SNX29: variants seen among roughly 807,000 people sequenced by gnomAD.
SNX29 encodes sorting nexin-29.
Under a neutral mutation model 102.1 loss-of-function variants are expected in SNX29, and 78 were observed. The ratio of observed to expected loss-of-function variants is 0.76; its 90% CI spans 0.64 to 0.92. The LOEUF is 0.92. Among genes scored for constraint, SNX29 ranks in the 40% least tolerant of loss-of-function variants. The pLI is 0.00. For synonymous variants in SNX29, 580 were observed against 414.5 expected (o/e 1.40, Z -4.85); for missense variants, 1,280 against 1,061.7 (o/e 1.21, Z -2.86).
intron 1 of SNX29, chr16:11,983,510 G>A (rs2055475421): frequency 4.4e-6 from 1 of 228,032 alleles, no homozygotes; most frequent in East Asian, 1.8e-4. Flanking sequence ...GAATATTTGT[G>A]GTTTTCATTC....
intron 15 of SNX29, among the ~76,000 whole-genome samples, chr16:12,324,878 T>C (rs1332591429): frequency 2.0e-5 from 3 of 152,062 alleles, no homozygotes; most frequent in Non-Finnish European, 2.9e-5. Context: ...CACTAGGTAA[T>C]GAAAGATACC....
intron 15 of SNX29, among the ~76,000 whole-genome samples, chr16:12,294,048 G>A (rs1001456866): frequency 2.6e-5 from 4 of 152,316 alleles, no homozygotes; most frequent in African/African-American, 9.6e-5. Context: ...GCCACTCTCC[G>A]GGGAGGAGAA....
chr16:12,046,819 ATGT>A (rs1341919925), intron 6 of SNX29, among the ~76,000 whole-genome samples: 4 of 152,116 alleles, frequency 2.6e-5, no homozygotes, highest in Admixed American at 2.6e-4. Flanking sequence ...GAGTTTCACT[ATGT>A]TGGTCAGGCC....
Position 12,403,476 on chromosome 16 carries a change from A to C in SNX29, c.1984A>C (p.Ile662Leu). 6.2e-7 allele frequency: 1 copy of C among 1,609,144 alleles called. No individual in the cohort carries two copies. Among genetic ancestry groups the C allele is most frequent in the Non-Finnish European group, 8.5e-7 (1 of 1,177,812 alleles). The change falls in exon 18 of 21, where the codon ATC becomes CTC. Residue 662 changes from isoleucine (I) to leucine (L), a missense_variant. Ile to Leu is a conservative substitution (Grantham distance 5). Coordinates refer to ENST00000566228, the MANE Select transcript of SNX29 (RefSeq NM_032167.5). ...AAACCGGGCGCTGATCAACGTCTGG[A>C]TCCCCTCAGTGTTTCTCCGGGGCAA... The part of the protein sequence containing the change: ...ISNRALINVW[I>L]PSVFLRGKAA...
chr16:12,508,731 C>T (rs2089483002), intron 19 of SNX29, among the ~76,000 whole-genome samples: 1 of 152,106 alleles, frequency 6.6e-6, no homozygotes, highest in Admixed American at 6.5e-5. Flanking sequence ...CTCCAGGTTT[C>T]TTTTATCTCC....
At position 12,044,530 on chromosome 16, in the gene SNX29, A is replaced by T. The variant is rs139812236; in HGVS notation, c.428+1453A>T. 5.3e-3 allele frequency among the ~76,000 whole-genome samples: 808 copies of T among 152,158 alleles called. 1 individual carries two copies. Among genetic ancestry groups the T allele is most frequent in the South Asian group, 8.3e-3 (40 of 4,814 alleles). On this transcript the variant is annotated intron_variant, in intron 5 of 20. Transcript: ENST00000566228. ...GAGTTCGGAGGCTGAGAATGTCTGG[A>T]TCTCTAGGGCATTAACCAGCTTTAG...
intron 11 of SNX29, among the ~76,000 whole-genome samples, chr16:12,105,718 C>G (rs2053207091): frequency 6.6e-6 from 1 of 152,186 alleles, no homozygotes; most frequent in Non-Finnish European, 1.5e-5. Flanking sequence ...CCTAGCCCTT[C>G]TCTCCTCCTG....
At chr16:12,071,984 G>A (rs76868171) in intron 10 of SNX29, among the ~76,000 whole-genome samples, 36,685 of 151,822 alleles carry the variant, frequency 0.24, 4,798 homozygotes, top group African/African-American at 0.36. Context: ...TGATTGTTGT[G>A]TAAGAATGCT....
intron 20 of SNX29, among the ~76,000 whole-genome samples, chr16:12,565,076 G>A (rs1368401192): frequency 6.6e-6 from 1 of 152,106 alleles, no homozygotes; most frequent in Non-Finnish European, 1.5e-5. Context: ...GGCCCAGTGG[G>A]GACACATGGG....
intron 13 of SNX29, among the ~76,000 whole-genome samples, chr16:12,135,197 A>G (rs928001149): frequency 6.6e-6 from 1 of 152,232 alleles, no homozygotes; most frequent in African/African-American, 2.4e-5. Flanking sequence ...TCACATGCTA[A>G]TCTCTTCCAG....
intron 14 of SNX29, among the ~76,000 whole-genome samples, chr16:12,202,472 CAG>C (rs1213523192): frequency 1.3e-5 from 2 of 152,198 alleles, no homozygotes; most frequent in East Asian, 1.9e-4. Flanking sequence ...TCTCTCACCT[CAG>C]GGCAAATTCT....
chr16:12,021,066 C>T (rs1241493053), intron 3 of SNX29, among the ~76,000 whole-genome samples: 4 of 152,156 alleles, frequency 2.6e-5, no homozygotes, highest in East Asian at 1.9e-4. Context: ...TTACAAATGA[C>T]GATAATCCAG....
chr16:12,259,818 A>G (rs570832628), intron 14 of SNX29, among the ~76,000 whole-genome samples: 1 of 139,952 alleles, frequency 7.1e-6, no homozygotes, highest in South Asian at 2.7e-4. Flanking sequence ...AGCCCTCCCC[A>G]TGTGACTTTG....
intron 15 of SNX29, among the ~76,000 whole-genome samples, chr16:12,284,517 G>T (rs1383860773): frequency 6.6e-6 from 1 of 152,192 alleles, no homozygotes; most frequent in Non-Finnish European, 1.5e-5. Context: ...CCTGGTTTTG[G>T]TTCAGGGCTG....
chr16:12,019,696 C>T (rs1301460396), intron 3 of SNX29, among the ~76,000 whole-genome samples: 3 of 149,054 alleles, frequency 2.0e-5, no homozygotes, highest in Non-Finnish European at 3.0e-5. Flanking sequence ...AGTGCAGTGG[C>T]GTGATCTTGG....
intron 13 of SNX29, among the ~76,000 whole-genome samples, chr16:12,177,379 T>C (rs1447422358): frequency 2.6e-5 from 4 of 152,236 alleles, no homozygotes; most frequent in Admixed American, 1.3e-4. Context: ...GTTAGCATTC[T>C]TGTATGTGAT....
In SNX29 at chr16:12,310,170, G is replaced by A. The variant is rs924527231; in HGVS notation, c.1782+32134G>A. ...GCATAGTTGACATATGGTGTTTACC[G>A]CTGCACCAGCTAAAGTTCTCTCATG... On this transcript the variant is annotated intron_variant, in intron 15 of 20. Transcript: ENST00000566228. 2.6e-5 allele frequency among the ~76,000 whole-genome samples: 4 copies of A among 152,140 alleles called. 1 individual carries two copies. The highest frequency in any genetic ancestry group is 4.1e-4 in the South Asian group (2 of 4,826).
intron 16 of SNX29, among the ~76,000 whole-genome samples, chr16:12,381,347 A>G (rs1474403794): frequency 2.1e-5 from 1 of 48,552 alleles, no homozygotes; most frequent in African/African-American, 8.2e-5. Flanking sequence ...CAACCAACCC[A>G]TCATCCAGCC....
chr16:11,997,146 C>T (rs772417276), intron 1 of SNX29, among the ~76,000 whole-genome samples: 5 of 152,232 alleles, frequency 3.3e-5, no homozygotes, highest in Admixed American at 6.5e-5. Context: ...GACATCTGCC[C>T]GCCTGTTTGA....
Sources: gnomAD v4.1 joint callset for allele counts (sites outside exome capture counted in the v4.1 genomes callset) on GRCh38, gnomAD v4.1.1 for gene constraint, MANE v1.5 for transcripts, NCBI Gene and HGNC (gene_info 2026-07-23, HGNC 2026-07-21) for gene names.